Variants in PCDH11X observed in about 807,000 individuals in gnomAD.
PCDH11X encodes protocadherin 11 X-linked.
In PCDH11X, 18 loss-of-function variants were observed where a neutral mutation model predicts 53.3. The ratio of observed to expected loss-of-function variants is 0.34; its 90% CI spans 0.23 to 0.50. The LOEUF is 0.50. Ranked by LOEUF, PCDH11X falls within the 20% of genes least tolerant of loss-of-function variation. The probability of loss-of-function intolerance (pLI) is 0.98; values close to 1 mark genes in which losing one functional copy is unlikely to be tolerated. For missense variants in PCDH11X, 570 were observed against 1,032.4 expected, an observed-to-expected ratio of 0.55 and a Z score of 6.14; for synonymous variants, 279 against 393.3, an observed-to-expected ratio of 0.71 and a Z score of 3.44.
At chrX:92,297,754 A>G (rs1286658359) in intron 8 of PCDH11X, among the ~76,000 whole-genome samples, 1 of 111,112 alleles carries the variant, frequency 9.0e-6, no homozygotes, top group Non-Finnish European at 1.9e-5. Context: ...TGTTTTAACA[A>G]TATTGATTCT....
chrX:92,104,989 C>T (rs917058020), intron 6 of PCDH11X, among the ~76,000 whole-genome samples: 2 of 111,091 alleles, frequency 1.8e-5, no homozygotes, highest in African/African-American at 6.6e-5. Context: ...AGACTTGCCA[C>T]CAAGGGTGAA....
chrX:92,112,503 C>T (rs926357637), intron 6 of PCDH11X, among the ~76,000 whole-genome samples: 4 of 110,031 alleles, frequency 3.6e-5, no homozygotes, highest in African/African-American at 1.4e-4. Context: ...TTGCTACCTA[C>T]TGTCATTTGT....
chrX:92,217,851 G>A (rs187895639), intron 7 of PCDH11X, among the ~76,000 whole-genome samples: 2,591 of 110,963 alleles, frequency 0.023, 54 homozygotes, highest in African/African-American at 0.082. Context: ...ATAACAAACT[G>A]TCTCTCAGAC....
At chrX:92,262,402 AC>A (rs1227859084) in intron 7 of PCDH11X, among the ~76,000 whole-genome samples, 3 of 111,717 alleles carry the variant, frequency 2.7e-5, no homozygotes, top group African/African-American at 9.7e-5. Context: ...TTAATCCTCT[AC>A]AAAGGAGAAT....
At chrX:92,508,213 G>T (rs199589887) in intron 10 of PCDH11X, among the ~76,000 whole-genome samples, 19 of 64,223 alleles carry the variant, frequency 3.0e-4, no homozygotes, top group East Asian at 1.1e-3. Flanking sequence ...ACTCTACTTT[G>T]TTTTTTTTTG....
At chrX:92,403,329 G>GTTTTTTTTTTCTTTTT (rs1178198433) in intron 9 of PCDH11X, among the ~76,000 whole-genome samples, 1 of 58,816 alleles carries the variant, frequency 1.7e-5, no homozygotes, top group South Asian at 1.3e-3. Flanking sequence ...GGGCATTTAC[G>GTTTTTTTTTTCTTTTT]TTTTTTTTTG....
chrX:92,100,195 C>G (rs898975629), intron 6 of PCDH11X, among the ~76,000 whole-genome samples: 8 of 111,097 alleles, frequency 7.2e-5, no homozygotes, highest in Non-Finnish European at 1.9e-5. Flanking sequence ...CACGAAGAAG[C>G]CTTTCTTCCA....
chrX:91,835,587 A>G lies in PCDH11X; in HGVS notation c.83A>G (p.Tyr28Cys). ...VFHSGAQEKN[Y>C]TIREEMPENV... ...CACTCTGGCGCCCAGGAGAAAAACT[A>G]CACCATCCGAGAAGAAATGCCAGAA... The change falls in exon 5 of 11, where the codon TAC (tyrosine) becomes TGC (cysteine). Residue 28 changes from tyrosine to cysteine, a missense_variant. Physicochemically the swap from Tyr to Cys is radical, Grantham distance 194. This residue lies in a region of PCDH11X where 84 missense variants were observed against 142.0 expected (regional missense o/e 0.59). Transcript: ENST00000682573. 1.7e-6 allele frequency: 2 copies of G among 1,211,368 alleles called. No individual in the cohort carries two copies. Among genetic ancestry groups the G allele is most frequent in the Non-Finnish European group, 2.2e-6 (2 of 895,478 alleles).
At chrX:92,301,410 G>T (rs2068718805) in intron 8 of PCDH11X, among the ~76,000 whole-genome samples, 1 of 107,055 alleles carries the variant, frequency 9.3e-6, no homozygotes, top group African/African-American at 3.4e-5. Context: ...TGGGGAATGG[G>T]CGTCCCTGGC....
intron 5 of PCDH11X, among the ~76,000 whole-genome samples, chrX:91,846,990 T>C (rs1254642398): frequency 9.0e-6 from 1 of 111,658 alleles, no homozygotes; most frequent in Non-Finnish European, 1.9e-5. Context: ...AAGATAGCTG[T>C]TTATTTTGAT....
intron 10 of PCDH11X, among the ~76,000 whole-genome samples, chrX:92,482,395 C>T (rs1157772146): frequency 1.8e-5 from 2 of 108,582 alleles, no homozygotes; most frequent in Non-Finnish European, 3.8e-5. Context: ...TTTCATTAAC[C>T]TGTGAAATAA....
chrX:91,848,904 A>G (rs1259729339), intron 5 of PCDH11X, among the ~76,000 whole-genome samples: 1 of 111,057 alleles, frequency 9.0e-6, no homozygotes, highest in African/African-American at 3.3e-5. Flanking sequence ...TATGCATATC[A>G]GGATTACTGA....
intron 6 of PCDH11X, among the ~76,000 whole-genome samples, chrX:91,913,220 G>A (rs1941435968): frequency 9.0e-6 from 1 of 111,225 alleles, no homozygotes; most frequent in South Asian, 3.8e-4. Context: ...CTGGGGGATG[G>A]GAGGGAGCTG....
At chrX:91,970,775 T>C (rs1441755864) in intron 6 of PCDH11X, among the ~76,000 whole-genome samples, 1 of 111,692 alleles carries the variant, frequency 9.0e-6, no homozygotes, top group Non-Finnish European at 1.9e-5. Flanking sequence ...AACAGGAAAA[T>C]ATTCAGGTTC....
In PCDH11X at chrX:92,590,164, C is replaced by T. The variant is rs186995748; in HGVS notation, c.3368-28100C>T. Among the ~76,000 whole-genome samples, 284 of 109,747 alleles carry T rather than the reference C, an allele frequency of 2.6e-3. 2 individuals are homozygous for T. The highest frequency in any genetic ancestry group is 9.2e-3 in the African/African-American group (278 of 30,068). The stretch of plus-strand genomic sequence containing the variant: ...TCAGCAATGAGCACTCATTACCTGG[C>T]CACCCCCACCCCTTTCCCCAAACTG... On this transcript the variant is annotated intron_variant, in intron 10 of 10. Coordinates refer to ENST00000682573, the MANE Select transcript of PCDH11X (RefSeq NM_032968.5).
chrX:91,883,456 T>C, intron 6 of PCDH11X: 1 of 754,371 alleles, frequency 1.3e-6, no homozygotes. Context: ...GTTTTGAAAA[T>C]ATTCACTAAC....
chrX:92,447,919 A>C (rs2072692254), intron 9 of PCDH11X, among the ~76,000 whole-genome samples: 1 of 111,307 alleles, frequency 9.0e-6, no homozygotes, highest in East Asian at 2.9e-4. Context: ...ATGACCCGGA[A>C]GTGAGACATG....
intron 6 of PCDH11X, among the ~76,000 whole-genome samples, chrX:91,967,829 C>A (rs2061889972): frequency 8.9e-6 from 1 of 112,113 alleles, no homozygotes; most frequent in Non-Finnish European, 1.9e-5. Context: ...AGTTGTACAA[C>A]AAATCTCTTA....
intron 10 of PCDH11X, among the ~76,000 whole-genome samples, chrX:92,580,287 G>C (rs1470584054): frequency 9.2e-6 from 1 of 108,744 alleles, no homozygotes; most frequent in African/African-American, 3.5e-5. Context: ...TTCTACACTG[G>C]GGAGGATCCC....
Sources: gnomAD v4.1 joint callset for allele counts (sites outside exome capture counted in the v4.1 genomes callset) on GRCh38, gnomAD v4.1.1 for gene constraint, gnomAD v4.1.1 regional missense constraint, MANE v1.5 for transcripts, NCBI Gene and HGNC (gene_info 2026-07-23, HGNC 2026-07-21) for gene names.